Variants in USP51 observed in about 807,000 individuals in gnomAD.
The protein encoded by USP51 is ubiquitin carboxyl-terminal hydrolase 51.
In USP51, 5 loss-of-function variants were observed where a neutral mutation model predicts 17.6. The ratio of observed to expected loss-of-function variants is 0.28; its 90% CI spans 0.15 to 0.60. The LOEUF is 0.60. USP51 is among the 20% of genes least tolerant of loss of function. The probability of loss-of-function intolerance (pLI) is 0.88; values close to 1 mark genes in which losing one functional copy is unlikely to be tolerated. For synonymous variants in USP51, 248 were observed against 216.1 expected (o/e 1.15, Z -1.29); for missense variants, 459 against 559.5 (o/e 0.82, Z 1.81).
chrX:55,485,638 A>C lies in USP51; in HGVS notation c.*1166T>G, dbSNP rs1225469783. Reference sequence around the variant, plus strand: ...AAAAATAGAACTTCTTAAACTTTTAATTTTAATAATTTTTTCTACTTGAAT... The same window carrying C: ...AAAAATAGAACTTCTTAAACTTTTACTTTTAATAATTTTTTCTACTTGAAT... On this transcript the variant is annotated 3_prime_UTR_variant, in exon 3 of 3. Transcript: ENST00000500968. 1.8e-5 allele frequency: 2 copies of C among 110,736 alleles called. No individual in the cohort carries two copies. The highest frequency in any genetic ancestry group is 1.9e-5 in the Non-Finnish European group (1 of 52,791). 9.1% of individuals were successfully genotyped at this position (110,736 alleles called of 1,213,427 possible). A position where few individuals can be genotyped will look rare whatever the true frequency, so the allele number is the denominator to read the frequency against.
chrX:55,488,835 C>T lies in USP51; in HGVS notation c.105G>A (p.Gly35=). 8.3e-7 allele frequency: 1 copy of T among 1,211,609 alleles called. No individual in the cohort carries two copies. The highest frequency in any genetic ancestry group is 1.1e-6 in the Non-Finnish European group (1 of 895,484). ...ASPEEAVEKA[G]KMEEAAAGAT... is the part of the protein sequence containing the mutation. The stretch of plus-strand genomic sequence containing the variant: ...CCCCCGCCGCCGCCTCCTCCATTTT[C>T]CCCGCCTTCTCAACCGCCTCCTCAG... The change falls in exon 3 of 3, where the codon GGG becomes GGA. Residue 35 remains glycine (G), a synonymous_variant. Coordinates refer to ENST00000500968, the MANE Select transcript of USP51 (RefSeq NM_201286.4).
chrX:55,489,115 C>T, intron 2 of USP51, 54 bp downstream of exon 2: 1 of 634,930 alleles, frequency 1.6e-6, no homozygotes, highest in Non-Finnish European at 2.4e-6. Context: ...TCTGTCGGCT[C>T]CACCCACTCA....
rs1395019645 is a variant in USP51 at position 55,485,514 on chromosome X, A to T, written c.*1290T>A. On this transcript the variant is annotated 3_prime_UTR_variant, in exon 3 of 3. Coordinates refer to ENST00000500968, the MANE Select transcript of USP51 (RefSeq NM_201286.4). ...TATCAACATAAAGCTCAAAAAAAAA[A>T]ATATATATATATATATATACTCACA... 92 of 105,871 alleles carry T rather than the reference A, an allele frequency of 8.7e-4. No individual in the cohort carries two copies. The highest frequency in any genetic ancestry group is 2.9e-3 in the African/African-American group (86 of 29,345). 8.7% of individuals were successfully genotyped at this position (105,871 alleles called of 1,213,427 possible).
At position 55,488,120 on chromosome X, in the gene USP51, A is replaced by C. The variant is rs2031349360; in HGVS notation, c.820T>G (p.Leu274Val). The change falls in exon 3 of 3, where the codon TTA (leucine) becomes GTA (valine). Residue 274 changes from leucine (L) to valine (V), a missense_variant. Coordinates refer to ENST00000500968, the MANE Select transcript of USP51 (RefSeq NM_201286.4). ...ACCCCATGATAAAGGTCTACAGCTA[A>C]ATGGTGCTGCTTTGTTTCTGCATGT... ...HKHAETKQHH[L>V]AVDLYHGVIY... 8.3e-7 allele frequency: 1 copy of C among 1,210,639 alleles called. No homozygotes were observed. The highest frequency in any genetic ancestry group is 1.1e-6 in the Non-Finnish European group (1 of 895,400).
At position 55,487,981 on chromosome X, in the gene USP51, G is replaced by A. The variant is rs2031346234; in HGVS notation, c.959C>T (p.Ser320Phe). ...CCCTGATGTCATAAACTGTTGATGA[G>A]AAACATCTGTTGAGGTGGAAGTTAA... ...RLLTSTSTDV[S>F]HQQFMTSGFE... Residue 320 changes from serine (S) to phenylalanine (F), a missense_variant, in exon 3 of 3, where the codon TCT becomes TTT. Transcript: ENST00000500968. The A allele has an allele frequency of 2.5e-6, 3 of 1,203,780 alleles. No homozygotes were observed. In the East Asian group the frequency reaches 8.9e-5, roughly 36 times the overall value.
rs1392706770 is a variant in USP51, at chrX:55,484,666, CCT to C, written c.*2136_*2137del. 2 of 112,102 alleles carry C rather than the reference CCT, an allele frequency of 1.8e-5. No individual in the cohort carries two copies. The highest frequency in any genetic ancestry group is 3.8e-5 in the Non-Finnish European group (2 of 53,219). The allele number at this position is 112,102 out of a possible 1,213,427, so 9.2% of individuals were successfully genotyped here. On this transcript the variant is annotated 3_prime_UTR_variant, in exon 3 of 3. Coordinates refer to ENST00000500968, the MANE Select transcript of USP51 (RefSeq NM_201286.4). ...CACAGAAATGAATAAGGCTTGGCCC[CCT>C]GTTCTTAGATGCTCAGTGCAGAGGG... is the stretch of plus-strand genomic sequence containing the variant.
At chrX:55,489,101 G>C in intron 2 of USP51, 68 bp downstream of exon 2, 3 of 689,975 alleles carry the variant, frequency 4.3e-6, no homozygotes, top group Non-Finnish European at 4.2e-6. Context: ...CTCAGCCCGC[G>C]GCTTCTGTCG....
At position 55,488,706 on chromosome X, in the gene USP51, G is replaced by C. The variant is rs758508243; in HGVS notation, c.234C>G (p.Gly78=). ...TTGAAGGGAGCACCTTCTCGTCGCC[G>C]CCGCTGCTGCTCCACGTCAAGTTCT... The part of the protein sequence containing the change: ...PEENLTWSSS[G]GDEKVLPSIP... Residue 78 remains glycine, a synonymous_variant, in exon 3 of 3, where the codon GGC becomes GGG. Transcript: ENST00000500968. 2.5e-6 allele frequency: 3 copies of C among 1,202,007 alleles called. No homozygotes were observed. The highest frequency in any genetic ancestry group is 3.5e-5 in the South Asian group (2 of 56,834).
chrX:55,488,355 G>C lies in USP51; in HGVS notation c.585C>G (p.Cys195Trp). Residue 195 changes from cysteine (C) to tryptophan (W), a missense_variant, in exon 3 of 3, where the codon TGC (cysteine) becomes TGG (tryptophan). Transcript: ENST00000500968. ...EVEFGQGPTG[C>W]SHVESFKVGK... ...CTACTTTAAAGCTCTCCACATGAGA[G>C]CAGCCTGTGGGACCCTGACCAAACT... 1 of 1,211,635 alleles carries C rather than the reference G, an allele frequency of 8.3e-7. No homozygotes were observed. Among genetic ancestry groups the C allele is most frequent in the Non-Finnish European group, 1.1e-6 (1 of 895,316 alleles).
chrX:55,488,432 G>C lies in USP51; in HGVS notation c.508C>G (p.Leu170Val). ...CCGCCAGGATCCCCCGACCCGTCTA[G>C]GTCACCAGAGCAGCTTCTCCGTGTC... ...PQTRRSCSGD[L>V]DGSGDPGGLG... is the part of the protein sequence containing the mutation. The change falls in exon 3 of 3, where the codon CTA becomes GTA. Residue 170 changes from leucine to valine, a missense_variant. Physicochemically the swap from Leu to Val is conservative, Grantham distance 32. Around this residue, in one of 2 missense-constraint regions of USP51, gnomAD observed 232 missense variants for 194.0 expected, o/e 1.20. Transcript: ENST00000500968. The C allele has an allele frequency of 1.7e-6, 2 of 1,211,332 alleles. No homozygotes were observed. The highest frequency in any genetic ancestry group is 2.2e-6 in the Non-Finnish European group (2 of 895,178).
Position 55,487,680 on chromosome X carries a change from A to G in USP51, c.1260T>C (p.Ser420=). The G allele has an allele frequency of 4.1e-6, 5 of 1,212,105 alleles. No individual in the cohort carries two copies. The highest frequency in any genetic ancestry group is 5.6e-6 in the Non-Finnish European group (5 of 895,603). Residue 420 remains serine (S), a synonymous_variant, in exon 3 of 3, where the codon TCT becomes TCC. Coordinates refer to ENST00000500968, the MANE Select transcript of USP51 (RefSeq NM_201286.4). The part of the protein sequence containing the change: ...EMSSLFHAMY[S]GSRTPHIPYK... Reference sequence around the variant, plus strand: ...AGGGAATGTGAGGAGTTCGGCTCCCAGAGTACATAGCATGAAAAAGCGAAG... The same window carrying G: ...AGGGAATGTGAGGAGTTCGGCTCCCGGAGTACATAGCATGAAAAAGCGAAG...
At position 55,488,808 on chromosome X, in the gene USP51, AG is replaced by A; in HGVS notation, c.131del (p.Ala44ValfsTer13). ...AGKMEEAAAG[A>X]TKASSRREAE... ...CTTCACGTCTCGAAGACGCCTTCGT[AG>A]CCCCCGCCGCCGCCTCCTCCATTTT... On this transcript the variant is annotated frameshift_variant, in exon 3 of 3. Coordinates refer to ENST00000500968, the MANE Select transcript of USP51 (RefSeq NM_201286.4). LOFTEE classifies it low-confidence loss of function (END_TRUNC). The A allele has an allele frequency of 8.3e-7, 1 of 1,210,425 alleles. No individual in the cohort carries two copies.
In USP51 at chrX:55,487,031, G is replaced by T; in HGVS notation, c.1909C>A (p.Gln637Lys). ...TTGGGCACACAATCTGTTGGTGGCT[G>T]GCCTTCTTTCATTCTGCTCTCTTTA... is the stretch of plus-strand genomic sequence containing the variant. ...STKESRMKEG[Q>K]PPTDCVPNEN... The change falls in exon 3 of 3, where the codon CAG becomes AAG. Residue 637 changes from glutamine to lysine, a missense_variant. Gln to Lys is a moderately conservative substitution (Grantham distance 53). Transcript: ENST00000500968. 8.3e-7 allele frequency: 1 copy of T among 1,211,796 alleles called. No homozygotes were observed.
At position 55,488,403 on chromosome X, in the gene USP51, T is replaced by A. The variant is rs988158575; in HGVS notation, c.537A>T (p.Leu179Phe). 6.6e-6 allele frequency: 8 copies of A among 1,211,381 alleles called. No homozygotes were observed. Among genetic ancestry groups the A allele is most frequent in the Non-Finnish European group, 8.9e-6 (8 of 895,171 alleles). The change falls in exon 3 of 3, where the codon TTA (leucine) becomes TTT (phenylalanine). Residue 179 changes from leucine (L) to phenylalanine (F), a missense_variant. By Grantham distance (22) the Leu-to-Phe change is conservative (BLOSUM62 0). Transcript: ENST00000500968. ...ACTCGACCTCCAGCAACCAGTCCCC[T>A]AAGCCGCCAGGATCCCCCGACCCGT... ...DLDGSGDPGG[L>F]GDWLLEVEFG... is the part of the protein sequence containing the mutation.
At chrX:55,489,083 C>T in intron 2 of USP51, 86 bp downstream of exon 2, 1 of 847,385 alleles carries the variant, frequency 1.2e-6, no homozygotes, top group South Asian at 2.7e-5. Flanking sequence ...CTCCCATCGG[C>T]CCTTGAGCTC....
rs1452358168 is a variant in USP51, at chrX:55,488,611, G to A, written c.329C>T (p.Pro110Leu). The change falls in exon 3 of 3, where the codon CCC (proline) becomes CTC (leucine). Residue 110 changes from proline to leucine, a missense_variant. Coordinates refer to ENST00000500968, the MANE Select transcript of USP51 (RefSeq NM_201286.4). ...AGGCTGGCTGCGGGAGCGGGCCCGG[G>A]GCTGGGGCCGAGGGCGGGGCTTGCG... ...PRRKPRPRPQ[P>L]RARSRSQPGL... is the part of the protein sequence containing the mutation. The A allele has an allele frequency of 4.4e-6, 5 of 1,139,554 alleles. No individual in the cohort carries two copies. Among genetic ancestry groups the A allele is most frequent in the South Asian group, 2.0e-5 (1 of 49,592 alleles). 93.9% of individuals were successfully genotyped at this position (1,139,554 alleles called of 1,213,427 possible). A position where few individuals can be genotyped will look rare whatever the true frequency, so the allele number is the denominator to read the frequency against.
Position 55,487,313 on chromosome X carries a change from T to C in USP51, c.1627A>G (p.Ile543Val). 2 of 1,211,471 alleles carry C rather than the reference T, an allele frequency of 1.7e-6. No homozygotes were observed. The highest frequency in any genetic ancestry group is 1.8e-5 in the South Asian group (1 of 56,872). The change falls in exon 3 of 3, where the codon ATA becomes GTA. Residue 543 changes from isoleucine to valine, a missense_variant. Ile to Val is a conservative substitution (Grantham distance 29, BLOSUM62 3). This residue lies in a region of USP51 where 227 missense variants were observed against 365.5 expected (regional missense o/e 0.62). Coordinates refer to ENST00000500968, the MANE Select transcript of USP51 (RefSeq NM_201286.4). ...TCTGTAAGTGAGGGGATTCCTGGTA[T>C]GTGGTCATCCCTGCTCACTGTGCTG... The part of the protein sequence containing the change: ...ADSTVSRDDH[I>V]PGIPSLTDCL...
rs1602027341 is a variant in USP51 at position 55,488,565 on chromosome X, C to T, written c.375G>A (p.Pro125=). ...RSQPGLSAPP[P]PPARPPPPPP... is the part of the protein sequence containing the mutation. ...GCGGGGGCGGGGGCCGGGCTGGAGG[C>T]GGGGGTGGGGCCGAGAGCCCAGGCT... The change falls in exon 3 of 3, where the codon CCG becomes CCA. Residue 125 remains proline (P), a synonymous_variant. Coordinates refer to ENST00000500968, the MANE Select transcript of USP51 (RefSeq NM_201286.4). The T allele has an allele frequency of 1.1e-6, 1 of 935,559 alleles. No homozygotes were observed. Among genetic ancestry groups the T allele is most frequent in the African/African-American group, 2.1e-5 (1 of 46,640 alleles). The allele number at this position is 935,559 out of a possible 1,213,427, so 77.1% of individuals were successfully genotyped here.
Position 55,488,689 on chromosome X carries a change from A to T in USP51, c.251T>A (p.Leu84His), listed in dbSNP as rs1174514456. Reference protein sequence around the residue: ...WSSSGGDEKVLPSIPLRCHSS... With the variant: ...WSSSGGDEKVHPSIPLRCHSS... ...GTGACAGCGAAGGGGGATTGAAGGG[A>T]GCACCTTCTCGTCGCCGCCGCTGCT... The change falls in exon 3 of 3, where the codon CTC (leucine) becomes CAC (histidine). Residue 84 changes from leucine (L) to histidine (H), a missense_variant. Around this residue, in one of 2 missense-constraint regions of USP51, gnomAD observed 232 missense variants for 194.0 expected, o/e 1.20. Coordinates refer to ENST00000500968, the MANE Select transcript of USP51 (RefSeq NM_201286.4). 8.3e-7 allele frequency: 1 copy of T among 1,197,864 alleles called. No individual in the cohort carries two copies. Among genetic ancestry groups the T allele is most frequent in the Non-Finnish European group, 1.1e-6 (1 of 894,278 alleles).
Sources: gnomAD v4.1 joint callset for allele counts on GRCh38, gnomAD v4.1.1 for gene constraint, gnomAD v4.1.1 regional missense constraint, MANE v1.5 for transcripts, NCBI Gene and HGNC (gene_info 2026-07-23, HGNC 2026-07-21) for gene names.